The following IFT43 variants were observed in gnomAD, a reference collection of about 807,000 sequenced individuals.
IFT43 encodes intraflagellar transport 43, also known as intraflagellar transport protein 43 homolog.
Under a neutral mutation model 32.3 loss-of-function variants are expected in IFT43, and 33 were observed. The observed-to-expected ratio is 1.02, with a 90% confidence interval of 0.77 to 1.37. The LOEUF (loss-of-function observed/expected upper bound fraction) is 1.37. Ranked by LOEUF, IFT43 falls within the 40% of genes most tolerant of loss-of-function variation. The pLI is 0.00. For synonymous variants in IFT43, 93 were observed against 98.2 expected (o/e 0.95, Z 0.31); for missense variants, 274 against 265.9 (o/e 1.03, Z -0.21).
rs2035816053 is a variant in IFT43 at position 75,999,250 on chromosome 14, TA to T, written c.147+10274del. 5.8e-3 allele frequency among the ~76,000 whole-genome samples: 46 copies of T among 7,966 alleles called. 1 individual carries two copies. Among genetic ancestry groups the T allele is most frequent in the African/African-American group, 0.017 (40 of 2,332 alleles). The allele number at this position is 7,966 out of a possible 152,430, so 5.2% of individuals were successfully genotyped here. A position where few individuals can be genotyped will look rare whatever the true frequency, so the allele number is the denominator to read the frequency against. ...TTTTATATATATATATATATATATATATATATATATATATATATATATGTAT... is the reference window on the plus strand; with the variant it reads ...TTTTATATATATATATATATATATATTATATATATATATATATATATGTAT... On this transcript the variant is annotated intron_variant, in intron 2 of 8. Coordinates refer to ENST00000314067, the MANE Select transcript of IFT43 (RefSeq NM_001102564.3).
At chr14:76,007,258 C>T (rs2035996934) in intron 2 of IFT43, among the ~76,000 whole-genome samples, 1 of 152,150 alleles carries the variant, frequency 6.6e-6, no homozygotes, top group African/African-American at 2.4e-5. Flanking sequence ...TCTCCTTGGG[C>T]TCCCACAACT....
At chr14:76,018,044 T>C (rs1206264165) in intron 2 of IFT43, among the ~76,000 whole-genome samples, 2 of 152,062 alleles carry the variant, frequency 1.3e-5, no homozygotes, top group African/African-American at 4.8e-5. Flanking sequence ...GTCTCTATTT[T>C]GTTTAGTTCT....
Position 76,036,431 on chromosome 14 carries a change from A to T in IFT43, c.215+14037A>T, listed in dbSNP as rs1273612649. Among the ~76,000 whole-genome samples the T allele has an allele frequency of 7.0e-5, 7 of 100,124 alleles. No homozygotes were observed. In the East Asian group the frequency reaches 1.6e-3, roughly 23 times the overall value. The allele number at this position is 100,124 out of a possible 152,430, so 65.7% of individuals were successfully genotyped here. A position where few individuals can be genotyped will look rare whatever the true frequency, so the allele number is the denominator to read the frequency against. ...TTCTTTTTTTTTTTTTTTTTGGTGG[A>T]GTCTCACTCTCTTGCCCAGCCTATA... On this transcript the variant is annotated intron_variant, in intron 3 of 8. Transcript: ENST00000314067.
intron 2 of IFT43, among the ~76,000 whole-genome samples, chr14:75,992,387 T>C (rs1463966055): frequency 6.6e-6 from 1 of 152,270 alleles, no homozygotes; most frequent in East Asian, 1.9e-4. Flanking sequence ...AATTAGTGAA[T>C]AAAGGCATAT....
chr14:76,083,849 A>G (rs774115478), downstream of IFT43: 20 of 591,202 alleles, frequency 3.4e-5, no homozygotes, highest in Non-Finnish European at 5.7e-5. Context: ...CTTGTTGCGG[A>G]GCATGTGGGA....
intron 2 of IFT43, among the ~76,000 whole-genome samples, chr14:76,002,497 C>G (rs73311116): frequency 6.6e-6 from 1 of 151,900 alleles, no homozygotes; most frequent in Admixed American, 6.6e-5. Context: ...TGGAGCAGTT[C>G]CAGTTATGAC....
At chr14:75,991,864 C>T (rs867442795) in intron 2 of IFT43, among the ~76,000 whole-genome samples, 2 of 152,176 alleles carry the variant, frequency 1.3e-5, no homozygotes, top group Non-Finnish European at 2.9e-5. Context: ...GAGGTTTAAA[C>T]AGTGTGGGCA....
chr14:76,066,950 G>A (rs1054994479), intron 5 of IFT43, among the ~76,000 whole-genome samples: 10 of 152,182 alleles, frequency 6.6e-5, no homozygotes, highest in African/African-American at 9.7e-5. Context: ...TTCATCCAAC[G>A]CCTCCTGAGG....
At chr14:76,083,150 A>G (rs1292137498) in intron 7 of IFT43, 77 bp from the exon 8 acceptor site, 2 of 1,525,092 alleles carry the variant, frequency 1.3e-6, no homozygotes, top group Admixed American at 3.4e-5. Context: ...ACAAAAACTG[A>G]TCCCGGTTTT....
At chr14:76,043,943 C>G (rs536463829) in intron 3 of IFT43, among the ~76,000 whole-genome samples, 1 of 152,298 alleles carries the variant, frequency 6.6e-6, no homozygotes, top group Admixed American at 6.5e-5. Context: ...TCCTATGACC[C>G]CCTTTCCAGC....
At chr14:76,055,068 A>G (rs1315627940) in intron 3 of IFT43, among the ~76,000 whole-genome samples, 1 of 152,206 alleles carries the variant, frequency 6.6e-6, no homozygotes, top group Non-Finnish European at 1.5e-5. Flanking sequence ...GTCAGGGCTG[A>G]GCACAGTGGC....
intron 2 of IFT43, among the ~76,000 whole-genome samples, chr14:75,996,225 A>G (rs901609093): frequency 4.6e-5 from 7 of 152,166 alleles, no homozygotes; most frequent in Admixed American, 1.3e-4. Context: ...GTGATTTTCT[A>G]TGTAATCTGA....
chr14:76,075,975 A>C (rs1229254773), intron 5 of IFT43, among the ~76,000 whole-genome samples: 2 of 152,228 alleles, frequency 1.3e-5, no homozygotes, highest in Non-Finnish European at 2.9e-5. Flanking sequence ...TTGACTTTGC[A>C]CACAGAATCA....
intron 1 of IFT43, chr14:75,986,445 T>TAAAAA: frequency 1.2e-5 from 1 of 84,684 alleles, no homozygotes; most frequent in Non-Finnish European, 1.8e-5. Context: ...TTGCCTGGGT[T>TAAAAA]CAAAAAAAAA....
chr14:76,071,610 G>A (rs1034355926), intron 5 of IFT43, among the ~76,000 whole-genome samples: 2 of 152,124 alleles, frequency 1.3e-5, no homozygotes, highest in Non-Finnish European at 2.9e-5. Context: ...ACCATCACAC[G>A]GTCTTTACTT....
intron 2 of IFT43, among the ~76,000 whole-genome samples, chr14:76,008,237 G>T (rs930993174): frequency 2.0e-5 from 3 of 152,074 alleles, no homozygotes; most frequent in Non-Finnish European, 4.4e-5. Flanking sequence ...TAGATAATTG[G>T]ATCCTTAGAA....
chr14:75,993,410 A>G (rs545351272), intron 2 of IFT43, among the ~76,000 whole-genome samples: 2 of 152,318 alleles, frequency 1.3e-5, no homozygotes, highest in Admixed American at 6.5e-5. Flanking sequence ...GATAGCTTAC[A>G]TGCATCCATC....
chr14:75,996,311 T>C (rs2035746723), intron 2 of IFT43, among the ~76,000 whole-genome samples: 2 of 152,244 alleles, frequency 1.3e-5, no homozygotes, highest in Non-Finnish European at 2.9e-5. Flanking sequence ...GGTGTGTTAC[T>C]TAACTACTGT....
At chr14:75,986,040 TTAAAA>T in intron 1 of IFT43, 200 bp downstream of exon 1, 1 of 1,521,714 alleles carries the variant, frequency 6.6e-7, no homozygotes, top group Non-Finnish European at 8.8e-7. Context: ...TTTGCTTTCT[TTAAAA>T]TCCTCAGAAA....
Sources: allele counts gnomAD v4.1 joint callset (sites outside exome capture counted in the v4.1 genomes callset), GRCh38; gene constraint gnomAD v4.1.1; transcripts MANE v1.5; gene names NCBI Gene and HGNC (gene_info 2026-07-23, HGNC 2026-07-21).